Variants in ANK3 observed in about 807,000 individuals in gnomAD.
The protein encoded by ANK3 is ankyrin-3.
A neutral mutation model predicts 370.9 loss-of-function variants in ANK3; 57 were observed. That is an observed-to-expected ratio of 0.15 (90% CI 0.12 to 0.19). The LOEUF is 0.19. Among genes scored for constraint, ANK3 ranks in the 10% least tolerant of loss-of-function variants. The pLI is 1.00. For missense variants in ANK3, 4,439 were observed against 5,302.1 expected (o/e 0.84, Z 5.06); for synonymous variants, 1,929 against 1,946.3 (o/e 0.99, Z 0.23).
intron 8 of ANK3, among the ~76,000 whole-genome samples, chr10:60,219,478 T>C (rs2097002598): frequency 6.6e-6 from 1 of 152,166 alleles, no homozygotes; most frequent in South Asian, 2.1e-4. Flanking sequence ...CCTCAGGGGT[T>C]TTTGCACCCT....
chr10:60,311,672 A>T (rs1467220369), intron 1 of ANK3, among the ~76,000 whole-genome samples: 15 of 152,086 alleles, frequency 9.9e-5, no homozygotes, highest in Non-Finnish European at 1.5e-4. Flanking sequence ...CTGACTTCTT[A>T]TATATTCCTC....
chr10:60,382,129 T>C (rs554863974), intron 1 of ANK3, among the ~76,000 whole-genome samples: 1 of 152,286 alleles, frequency 6.6e-6, no homozygotes, highest in East Asian at 1.9e-4. Context: ...GGTACCTTCA[T>C]GGTACCTTAC....
At chr10:60,085,495 G>A (rs559328590) in intron 30 of ANK3, among the ~76,000 whole-genome samples, 82 of 152,006 alleles carry the variant, frequency 5.4e-4, no homozygotes, top group Non-Finnish European at 8.7e-4. Context: ...TTTTTTGTCT[G>A]GGTACTAATG....
intron 2 of ANK3, among the ~76,000 whole-genome samples, chr10:60,485,707 G>C (rs2075330320): frequency 6.6e-6 from 1 of 152,202 alleles, no homozygotes; most frequent in Admixed American, 6.5e-5. Flanking sequence ...GGCAGAGCGT[G>C]TGGCTTTCTT....
At chr10:60,055,406 A>G (rs1414283959) in intron 42 of ANK3, among the ~76,000 whole-genome samples, 3 of 152,204 alleles carry the variant, frequency 2.0e-5, no homozygotes, top group African/African-American at 7.2e-5. Context: ...CTAAACAGAT[A>G]CTTATTCCCT....
intron 2 of ANK3, among the ~76,000 whole-genome samples, chr10:60,540,776 GT>G (rs1482536854): frequency 1.3e-5 from 2 of 151,908 alleles, no homozygotes; most frequent in Non-Finnish European, 2.9e-5. Flanking sequence ...TAGCCATTGG[GT>G]TTAGGCTTTA....
At chr10:60,211,278 T>TGG (rs1555143495) in intron 9 of ANK3, among the ~76,000 whole-genome samples, 2 of 151,378 alleles carry the variant, frequency 1.3e-5, no homozygotes, top group Admixed American at 6.6e-5. Context: ...GAAGGTGAAC[T>TGG]AGAGAGATTC....
intron 1 of ANK3, among the ~76,000 whole-genome samples, chr10:60,373,261 G>A (rs1460389088): frequency 6.6e-6 from 1 of 152,342 alleles, no homozygotes; most frequent in South Asian, 2.1e-4. Flanking sequence ...CAGGCCAGGG[G>A]CCTCTTGTGT....
intron 25 of ANK3, among the ~76,000 whole-genome samples, chr10:60,124,841 T>A (rs1051765961): frequency 6.6e-6 from 1 of 152,210 alleles, no homozygotes; most frequent in African/African-American, 2.4e-5. Flanking sequence ...TAAACACTCC[T>A]CACAGCCCTA....
chr10:60,668,500 G>A (rs2079026642), intron 1 of ANK3, among the ~76,000 whole-genome samples: 1 of 146,664 alleles, frequency 6.8e-6, no homozygotes, highest in African/African-American at 2.8e-5. Flanking sequence ...ATTGGCATCG[G>A]GGGTGGGCTT....
chr10:60,381,086 C>T (rs964886961), intron 1 of ANK3, among the ~76,000 whole-genome samples: 2 of 152,164 alleles, frequency 1.3e-5, no homozygotes, highest in African/African-American at 2.4e-5. Context: ...CTATCATGGA[C>T]ACTGCCTAGA....
chr10:60,055,781 T>C lies in ANK3; in HGVS notation c.12942A>G (p.Ile4314Met). 1 of 1,614,188 alleles carries C rather than the reference T, an allele frequency of 6.2e-7. No homozygotes were observed. Among genetic ancestry groups the C allele is most frequent in the Non-Finnish European group, 8.5e-7 (1 of 1,180,032 alleles). Reference sequence around the variant, plus strand: ...GCACACAGGGTTTAGTCTCTTCTATTATAAGCTTGCTGGTTTCTTCTAGAG... The same window carrying C: ...GCACACAGGGTTTAGTCTCTTCTATCATAAGCTTGCTGGTTTCTTCTAGAG... ...QKSLEETSKL[I>M]IEETKPCVPV... Residue 4314 changes from isoleucine to methionine, a missense_variant, in exon 42 of 44, where the codon ATA becomes ATG. By Grantham distance (10) the Ile-to-Met change is conservative. Coordinates refer to ENST00000280772, the MANE Select transcript of ANK3 (RefSeq NM_020987.5).
intron 42 of ANK3, among the ~76,000 whole-genome samples, chr10:60,047,465 A>C (rs2077157842): frequency 6.6e-6 from 1 of 152,272 alleles, no homozygotes; most frequent in African/African-American, 2.4e-5. Context: ...ATATTTTACA[A>C]AAAGCAAATA....
intron 7 of ANK3, among the ~76,000 whole-genome samples, chr10:60,253,839 A>G (rs35749260): frequency 0.095 from 14,492 of 152,278 alleles, 838 homozygotes; most frequent in South Asian, 0.17. Flanking sequence ...ATTAAAAAAT[A>G]TGTACCAATA....
At chr10:60,482,205 C>G (rs74485605) in intron 2 of ANK3, among the ~76,000 whole-genome samples, 14,468 of 152,184 alleles carry the variant, frequency 0.095, 771 homozygotes, top group South Asian at 0.17. Flanking sequence ...CAAAGCTCTA[C>G]CTGCCCAACA....
chr10:60,487,233 C>T (rs1369450845), intron 2 of ANK3, among the ~76,000 whole-genome samples: 1 of 152,102 alleles, frequency 6.6e-6, no homozygotes, highest in Non-Finnish European at 1.5e-5. Context: ...TAGCACAACA[C>T]CTGGAATCAT....
intron 2 of ANK3, among the ~76,000 whole-genome samples, chr10:60,517,556 T>C (rs945707665): frequency 2.6e-5 from 4 of 151,896 alleles, no homozygotes; most frequent in Admixed American, 6.6e-5. Flanking sequence ...GCTAACGAAA[T>C]AAAAAGACAG....
Position 60,086,802 on chromosome 10 carries a change from C to T in ANK3, c.3623G>A (p.Arg1208Lys). ...GATTGGTTTATGGAATTTCCGTCTT[C>T]TTGGTTCCACAGTGACAATTGGGCT... is the stretch of plus-strand genomic sequence containing the variant. Reference protein sequence around the residue: ...TFSPIVTVEPRRRKFHKPITM... With the variant: ...TFSPIVTVEPKRRKFHKPITM... The change falls in exon 30 of 44, where the codon AGA becomes AAA. Residue 1208 changes from arginine (R) to lysine (K), a missense_variant. Arg to Lys is a conservative substitution (Grantham distance 26). Around this residue, in one of 13 missense-constraint regions of ANK3, gnomAD observed 702 missense variants for 941.5 expected, o/e 0.75. Coordinates refer to ENST00000280772, the MANE Select transcript of ANK3 (RefSeq NM_020987.5). The T allele has an allele frequency of 6.2e-7, 1 of 1,613,946 alleles. No individual in the cohort carries two copies. The highest frequency in any genetic ancestry group is 8.5e-7 in the Non-Finnish European group (1 of 1,179,994).
chr10:60,620,901 C>A (rs2078327659), intron 1 of ANK3, among the ~76,000 whole-genome samples: 1 of 152,100 alleles, frequency 6.6e-6, no homozygotes, highest in African/African-American at 2.4e-5. Flanking sequence ...CATATTTGAT[C>A]ATTTAAACAA....
Sources: gnomAD v4.1 joint callset for allele counts (sites outside exome capture counted in the v4.1 genomes callset) on GRCh38, gnomAD v4.1.1 for gene constraint, gnomAD v4.1.1 regional missense constraint, MANE v1.5 for transcripts, NCBI Gene and HGNC (gene_info 2026-07-23, HGNC 2026-07-21) for gene names.